Variants in GOLPH3L observed in about 807,000 individuals in gnomAD.
GOLPH3L encodes the protein golgi phosphoprotein 3 like, also known as Golgi phosphoprotein 3-like.
GOLPH3L carries 22 observed loss-of-function variants against 30.3 expected under a neutral mutation model. The observed-to-expected ratio is 0.73, with a 90% CI of 0.52 to 1.04. GOLPH3L has a LOEUF of 1.04. Ranked by LOEUF, GOLPH3L falls within the 50% of genes least tolerant of loss-of-function variation. The probability of loss-of-function intolerance (pLI) is 0.00; values close to 1 mark genes in which losing one functional copy is unlikely to be tolerated. For missense variants in GOLPH3L, 303 were observed against 345.8 expected, an observed-to-expected ratio of 0.88 and a Z score of 0.98; for synonymous variants, 120 against 128.2, an observed-to-expected ratio of 0.94 and a Z score of 0.43.
At chr1:150,666,140 T>C (rs949557708) in intron 2 of GOLPH3L, among the ~76,000 whole-genome samples, 1 of 152,198 alleles carries the variant, frequency 6.6e-6, no homozygotes, top group Non-Finnish European at 1.5e-5. Context: ...TTATTTATTC[T>C]GTTTGGTATA....
At chr1:150,679,208 TTAGATGCATACA>T (rs918169062) in intron 2 of GOLPH3L, among the ~76,000 whole-genome samples, 2 of 152,172 alleles carry the variant, frequency 1.3e-5, no homozygotes, top group African/African-American at 2.4e-5. Flanking sequence ...AATAGTACAA[TTAGATGCATACA>T]TAGAATGGGC....
chr1:150,691,488 C>T (rs1651211122), intron 2 of GOLPH3L, among the ~76,000 whole-genome samples: 2 of 152,044 alleles, frequency 1.3e-5, no homozygotes, highest in South Asian at 4.2e-4. Flanking sequence ...TATACTCCAA[C>T]CTGGGTGACA....
chr1:150,672,232 C>T (rs935769199), intron 2 of GOLPH3L, among the ~76,000 whole-genome samples: 2 of 152,148 alleles, frequency 1.3e-5, no homozygotes, highest in African/African-American at 4.8e-5. Flanking sequence ...AAAAATTCTA[C>T]AAGCAAAACT....
chr1:150,673,281 A>T (rs1650685218), intron 2 of GOLPH3L, among the ~76,000 whole-genome samples: 1 of 152,108 alleles, frequency 6.6e-6, no homozygotes, highest in Non-Finnish European at 1.5e-5. Context: ...AACGGAAGAA[A>T]AGCCAGGCGC....
At chr1:150,675,464 C>T (rs955413455) in intron 2 of GOLPH3L, among the ~76,000 whole-genome samples, 1 of 152,016 alleles carries the variant, frequency 6.6e-6, no homozygotes, top group African/African-American at 2.4e-5. Flanking sequence ...AACCTATTTT[C>T]CCATCTCCTT....
At chr1:150,686,291 TGCAGCTTC>T (rs1651084971) in intron 2 of GOLPH3L, among the ~76,000 whole-genome samples, 1 of 152,210 alleles carries the variant, frequency 6.6e-6, no homozygotes. Context: ...CATAGCTCAA[TGCAGCTTC>T]GAACTCCTGG....
chr1:150,685,874 C>CTTTTTTTT (rs35375244), intron 2 of GOLPH3L, among the ~76,000 whole-genome samples: 1 of 121,044 alleles, frequency 8.3e-6, no homozygotes, highest in Non-Finnish European at 1.7e-5. Flanking sequence ...GTAAGTATGT[C>CTTTTTTTT]TTTTTTTTTT....
rs1211453292 is a variant in GOLPH3L, at chr1:150,647,484, C to G, written c.*837G>C. The G allele has an allele frequency of 6.6e-6, 1 of 151,924 alleles. No individual in the cohort carries two copies. The highest frequency in any genetic ancestry group is 1.5e-5 in the Non-Finnish European group (1 of 68,206). The allele number at this position is 151,924 out of a possible 1,614,324, so 9.4% of individuals were successfully genotyped here. ...CTCCTGCCTGGGCAAGAGCAAGACC[C>G]TGTCTCAAAAGAAAAAAAAAAAAAA... On this transcript the variant is annotated 3_prime_UTR_variant, in exon 5 of 5. Coordinates refer to ENST00000271732, the MANE Select transcript of GOLPH3L (RefSeq NM_018178.6).
In GOLPH3L at chr1:150,658,948, A is replaced by G. The variant is rs894499164; in HGVS notation, c.430+2866T>C. 4.5e-4 allele frequency among the ~76,000 whole-genome samples: 68 copies of G among 152,236 alleles called. 1 individual carries two copies. Among genetic ancestry groups the G allele is most frequent in the Non-Finnish European group, 2.2e-4 (15 of 68,034 alleles). On this transcript the variant is annotated intron_variant, in intron 4 of 4. Transcript: ENST00000271732. ...CAAACTTGTCTTTGGATATTGCAAA[A>G]TTAAAAGAACAAATATTTAAAGCAT...
At chr1:150,669,984 G>A (rs932932566) in intron 2 of GOLPH3L, among the ~76,000 whole-genome samples, 4 of 148,538 alleles carry the variant, frequency 2.7e-5, no homozygotes, top group East Asian at 4.0e-4. Flanking sequence ...CTGCAGGCCC[G>A]GCGTGGTCGC....
At chr1:150,670,365 A>G (rs1340746832) in intron 2 of GOLPH3L, among the ~76,000 whole-genome samples, 1 of 152,062 alleles carries the variant, frequency 6.6e-6, no homozygotes, top group Non-Finnish European at 1.5e-5. Context: ...TGGGAGGCTG[A>G]GGCGAGTGGA....
intron 1 of GOLPH3L, among the ~76,000 whole-genome samples, chr1:150,695,197 T>A (rs941709059): frequency 7.9e-5 from 12 of 152,140 alleles, no homozygotes; most frequent in Non-Finnish European, 1.5e-4. Context: ...AGTGCAGTGG[T>A]GCGATGTTGG....
At chr1:150,663,611 C>G in intron 3 of GOLPH3L, 21 bp downstream of exon 3, 1 of 1,595,126 alleles carries the variant, frequency 6.3e-7, no homozygotes, top group Non-Finnish European at 8.6e-7. Flanking sequence ...AAGCCATGGA[C>G]GTTCACAGAG....
intron 4 of GOLPH3L, among the ~76,000 whole-genome samples, chr1:150,659,435 G>A (rs1650320253): frequency 6.6e-6 from 1 of 152,226 alleles, no homozygotes; most frequent in South Asian, 2.1e-4. Flanking sequence ...AATAGCATGA[G>A]AGATCCGTGC....
At chr1:150,652,534 A>G (rs888192094) in intron 4 of GOLPH3L, among the ~76,000 whole-genome samples, 1 of 152,080 alleles carries the variant, frequency 6.6e-6, no homozygotes, top group Non-Finnish European at 1.5e-5. Flanking sequence ...TATTAATACT[A>G]AAACTAAAGG....
intron 2 of GOLPH3L, among the ~76,000 whole-genome samples, chr1:150,682,263 G>T (rs1401562573): frequency 6.6e-6 from 1 of 151,886 alleles, no homozygotes; most frequent in Non-Finnish European, 1.5e-5. Context: ...AGTGAGTTTT[G>T]ACAAAAGCAT....
At chr1:150,675,544 G>A (rs1338436799) in intron 2 of GOLPH3L, among the ~76,000 whole-genome samples, 1 of 151,948 alleles carries the variant, frequency 6.6e-6, no homozygotes, top group Non-Finnish European at 1.5e-5. Context: ...ACAACAGTAT[G>A]ATATATATGT....
At chr1:150,676,755 T>C (rs950397347) in intron 2 of GOLPH3L, among the ~76,000 whole-genome samples, 10 of 151,060 alleles carry the variant, frequency 6.6e-5, no homozygotes, top group African/African-American at 1.9e-4. Flanking sequence ...GCAATTCTCC[T>C]GCCTCAGACT....
intron 2 of GOLPH3L, among the ~76,000 whole-genome samples, chr1:150,678,770 C>T (rs187333555): frequency 6.6e-6 from 1 of 152,136 alleles, no homozygotes; most frequent in Non-Finnish European, 1.5e-5. Context: ...TCCTGGCCAA[C>T]ATGGTGAAAC....
Sources: gnomAD v4.1 joint callset for allele counts (sites outside exome capture counted in the v4.1 genomes callset) on GRCh38, gnomAD v4.1.1 for gene constraint, MANE v1.5 for transcripts, NCBI Gene and HGNC (gene_info 2026-07-23, HGNC 2026-07-21) for gene names.